Variants in ARV1 observed in about 807,000 individuals in gnomAD.
ARV1 encodes the protein protein ARV1.
In ARV1, 26 loss-of-function variants were observed where a neutral mutation model predicts 31.1. That is an observed-to-expected ratio of 0.84 (90% CI 0.61 to 1.16). The LOEUF is 1.16. ARV1 is among the 50% of genes most tolerant of loss of function. ARV1 has a pLI of 0.00. For missense variants in ARV1, 281 were observed against 324.9 expected (o/e 0.86, Z 1.04); for synonymous variants, 117 against 123.2 (o/e 0.95, Z 0.34).
intron 3 of ARV1, among the ~76,000 whole-genome samples, chr1:230,992,683 G>A (rs1679260235): frequency 6.6e-6 from 1 of 152,154 alleles, no homozygotes; most frequent in South Asian, 2.1e-4. Context: ...ACTTGAGCAA[G>A]TCACCATCAG....
At chr1:230,980,379 C>G (rs1486529912) in intron 1 of ARV1, among the ~76,000 whole-genome samples, 2 of 151,988 alleles carry the variant, frequency 1.3e-5, no homozygotes, top group African/African-American at 4.8e-5. Context: ...CTCTGTCACC[C>G]AGGCTGGAGT....
chr1:230,988,324 C>A lies in ARV1; in HGVS notation c.179C>A (p.Ser60Tyr), dbSNP rs141851104. The A allele has an allele frequency of 5.0e-6, 8 of 1,588,740 alleles. No homozygotes were observed. In the Admixed American group the frequency reaches 1.2e-4, roughly 24 times the overall value. The change falls in exon 2 of 6, where the codon TCC (serine) becomes TAC (tyrosine). Residue 60 changes from serine to tyrosine, a missense_variant. Coordinates refer to ENST00000310256, the MANE Select transcript of ARV1 (RefSeq NM_022786.3). ...HGVLKITICKSCQKPVDKYIE... is the reference protein window; with the variant it reads ...HGVLKITICKYCQKPVDKYIE... Reference sequence around the variant, plus strand: ...TATTATCTTGTATTATTTCAGAAATCCTGCCAGAAACCTGTAGACAAATAT... The same window carrying A: ...TATTATCTTGTATTATTTCAGAAATACTGCCAGAAACCTGTAGACAAATAT...
At chr1:230,988,574 T>C (rs1679144605) in intron 2 of ARV1, 135 bp downstream of exon 2, 2 of 687,750 alleles carry the variant, frequency 2.9e-6, no homozygotes, top group Non-Finnish European at 4.5e-6. Context: ...GGGTCTTTTA[T>C]TGCAACATAT....
intron 3 of ARV1, among the ~76,000 whole-genome samples, chr1:230,992,720 A>T (rs1679261296): frequency 6.6e-6 from 1 of 152,196 alleles, no homozygotes; most frequent in South Asian, 2.1e-4. Context: ...TTCATTCACT[A>T]TTCATTATTA....
At chr1:230,996,962 G>A (rs1269635547) in intron 4 of ARV1, among the ~76,000 whole-genome samples, 159 bp from the exon 5 acceptor site, 1 of 152,204 alleles carries the variant, frequency 6.6e-6, no homozygotes, top group Non-Finnish European at 1.5e-5. Flanking sequence ...CTAAAAATGT[G>A]TAGATGGAAA....
At chr1:230,984,343 CGTGTGT>C (rs374689782) in intron 1 of ARV1, among the ~76,000 whole-genome samples, 12 of 119,224 alleles carry the variant, frequency 1.0e-4, no homozygotes, top group African/African-American at 8.8e-5. Context: ...TTGTTTGTTT[CGTGTGT>C]GTGTGTGTGT....
Position 230,986,668 on chromosome 1 carries a change from A to ATTTTTTTTTTTTTTTTTTT in ARV1, c.175-1632_175-1614dup, listed in dbSNP as rs1162209283. On this transcript the variant is annotated intron_variant, in intron 1 of 5. Transcript: ENST00000310256. ...CACCCACAAATGTAATACTTTTCCTATTTTTTTTTTTTTTTTTTTTTTTTT... is the reference window on the plus strand; with the variant it reads ...CACCCACAAATGTAATACTTTTCCTATTTTTTTTTTTTTTTTTTTTTTTTTTTTTTTTTTTTTTTTTTTT... Among the ~76,000 whole-genome samples, 20 of 62,290 alleles carry ATTTTTTTTTTTTTTTTTTT rather than the reference A, an allele frequency of 3.2e-4. 4 individuals are homozygous for ATTTTTTTTTTTTTTTTTTT. Among genetic ancestry groups the ATTTTTTTTTTTTTTTTTTT allele is most frequent in the Non-Finnish European group, 4.0e-4 (13 of 32,224 alleles). 40.9% of individuals were successfully genotyped at this position (62,290 alleles called of 152,430 possible).
chr1:230,997,614 T>G (rs1572344402), intron 5 of ARV1, among the ~76,000 whole-genome samples: 1 of 152,286 alleles, frequency 6.6e-6, no homozygotes, highest in Middle Eastern at 3.4e-3. Flanking sequence ...CCTTCCCCCA[T>G]GCCAGGTTTT....
chr1:230,997,445 T>C (rs969654116), intron 5 of ARV1, among the ~76,000 whole-genome samples, 178 bp downstream of exon 5: 1 of 152,032 alleles, frequency 6.6e-6, no homozygotes, highest in African/African-American at 2.4e-5. Flanking sequence ...GTCTTCACTT[T>C]AGTTCCTTTT....
chr1:230,999,070 G>A (rs973807273), intron 5 of ARV1, among the ~76,000 whole-genome samples: 2 of 152,102 alleles, frequency 1.3e-5, no homozygotes, highest in African/African-American at 4.8e-5. Flanking sequence ...CTTTGCCTGT[G>A]CCAGGATTCT....
chr1:230,998,943 C>T (rs1679452902), intron 5 of ARV1, among the ~76,000 whole-genome samples: 1 of 152,082 alleles, frequency 6.6e-6, no homozygotes, highest in African/African-American at 2.4e-5. Context: ...AAGCCAATTC[C>T]TCCTTGTTTT....
intron 5 of ARV1, 142 bp downstream of exon 5, chr1:230,997,409 A>G (rs1679400772): frequency 2.0e-6 from 2 of 981,210 alleles, no homozygotes; most frequent in East Asian, 2.5e-5. Flanking sequence ...ATCTTCCTCA[A>G]GGACTTTACT....
chr1:230,997,389 G>A, intron 5 of ARV1, 122 bp downstream of exon 5: 1 of 1,194,364 alleles, frequency 8.4e-7, no homozygotes, highest in South Asian at 1.5e-5. Context: ...ACTGCCTCTA[G>A]GTCACCCTCA....
chr1:230,994,912 A>T (rs1033627974), intron 3 of ARV1, among the ~76,000 whole-genome samples: 16 of 152,330 alleles, frequency 1.1e-4, no homozygotes, highest in African/African-American at 3.6e-4. Context: ...TATTAAGTTT[A>T]AAAAAGAGGA....
intron 3 of ARV1, among the ~76,000 whole-genome samples, chr1:230,992,136 C>T (rs899011837): frequency 1.1e-4 from 17 of 152,160 alleles, no homozygotes; most frequent in African/African-American, 3.9e-4. Flanking sequence ...CAGTAGCTCC[C>T]CGTTTCACTC....
At chr1:230,999,115 G>A (rs188312048) in intron 5 of ARV1, among the ~76,000 whole-genome samples, 194 of 152,148 alleles carry the variant, frequency 1.3e-3, no homozygotes, top group African/African-American at 2.4e-3. Flanking sequence ...CACTGTGCAC[G>A]TAACTGTGTA....
intron 1 of ARV1, among the ~76,000 whole-genome samples, chr1:230,982,223 T>C (rs935628148): frequency 1.3e-5 from 2 of 152,222 alleles, no homozygotes; most frequent in African/African-American, 4.8e-5. Context: ...AGCATATGCT[T>C]GGCCATCCAG....
intron 1 of ARV1, among the ~76,000 whole-genome samples, chr1:230,986,668 A>ATTTTT (rs1162209283): frequency 1.6e-5 from 1 of 62,356 alleles, no homozygotes; most frequent in African/African-American, 5.6e-5. Flanking sequence ...TACTTTTCCT[A>ATTTTT]TTTTTTTTTT....
At position 230,997,209 on chromosome 1, in the gene ARV1, T is replaced by A. The variant is rs775912453; in HGVS notation, c.762T>A (p.Ser254Arg). The A allele has an allele frequency of 1.2e-6, 2 of 1,613,950 alleles. No individual in the cohort carries two copies. The highest frequency in any genetic ancestry group is 1.7e-6 in the Non-Finnish European group (2 of 1,179,860). The change falls in exon 5 of 6, where the codon AGT (serine) becomes AGA (arginine). Residue 254 changes from serine (S) to arginine (R), a missense_variant. Ser to Arg is a moderately radical substitution (Grantham distance 110). Transcript: ENST00000310256. Reference protein sequence around the residue: ...LESIMVYFFQSMEWDVGSDYA... With the variant: ...LESIMVYFFQRMEWDVGSDYA... ...GCATCATGGTCTACTTCTTCCAGAG[T>A]ATGGAATGGGATGTTGGAAGTGATT...
Sources: allele counts gnomAD v4.1 joint callset (sites outside exome capture counted in the v4.1 genomes callset), GRCh38; gene constraint gnomAD v4.1.1; transcripts MANE v1.5; gene names NCBI Gene and HGNC (gene_info 2026-07-23, HGNC 2026-07-21).